Variants in DNAJC1 observed in about 807,000 individuals in gnomAD.
DNAJC1 encodes the protein DnaJ heat shock protein family (Hsp40) member C1, also known as dnaJ homolog subfamily C member 1.
A neutral mutation model predicts 76.6 loss-of-function variants in DNAJC1; 58 were observed. That is an observed-to-expected ratio of 0.76 (90% CI 0.61 to 0.94). DNAJC1 has a LOEUF of 0.94. DNAJC1 is among the 40% of genes least tolerant of loss of function. The probability of loss-of-function intolerance (pLI) is 0.00; values close to 1 mark genes in which losing one functional copy is unlikely to be tolerated. For synonymous variants in DNAJC1, 258 were observed against 267.9 expected (o/e 0.96, Z 0.36); for missense variants, 689 against 677.3 (o/e 1.02, Z -0.19).
chr10:21,921,293 ACC>A (rs1815758802), intron 3 of DNAJC1, among the ~76,000 whole-genome samples: 1 of 151,964 alleles, frequency 6.6e-6, no homozygotes, highest in Admixed American at 6.5e-5. Context: ...TAAAGACTCT[ACC>A]ATTGAAGTCA....
chr10:21,966,377 C>T (rs946021900), intron 1 of DNAJC1, among the ~76,000 whole-genome samples: 3 of 151,772 alleles, frequency 2.0e-5, no homozygotes, highest in African/African-American at 4.8e-5. Flanking sequence ...CTAATTTGAG[C>T]ATCCATTGAT....
At chr10:21,934,728 A>G (rs748108151) in intron 1 of DNAJC1, among the ~76,000 whole-genome samples, 10 of 152,336 alleles carry the variant, frequency 6.6e-5, no homozygotes, top group Non-Finnish European at 1.5e-4. Flanking sequence ...GCAGTAGGCT[A>G]TACCATCTAG....
intron 1 of DNAJC1, among the ~76,000 whole-genome samples, chr10:21,950,880 C>A (rs1279135453): frequency 6.6e-6 from 1 of 152,148 alleles, no homozygotes; most frequent in Non-Finnish European, 1.5e-5. Flanking sequence ...GGTGAGGAAG[C>A]TGCAGAAGAA....
chr10:21,938,685 AG>A (rs903217798), intron 1 of DNAJC1, among the ~76,000 whole-genome samples: 12 of 152,218 alleles, frequency 7.9e-5, no homozygotes, highest in Non-Finnish European at 1.5e-4. Flanking sequence ...CAAGGACTGT[AG>A]TTTGCTGACC....
At chr10:21,948,787 G>C (rs1172124674) in intron 1 of DNAJC1, among the ~76,000 whole-genome samples, 1 of 152,070 alleles carries the variant, frequency 6.6e-6, no homozygotes, top group Non-Finnish European at 1.5e-5. Flanking sequence ...GGAGACTACT[G>C]GACATTAGGA....
intron 1 of DNAJC1, among the ~76,000 whole-genome samples, chr10:21,964,163 G>T (rs1017636543): frequency 6.6e-6 from 1 of 152,178 alleles, no homozygotes; most frequent in Non-Finnish European, 1.5e-5. Flanking sequence ...TAGAATATTT[G>T]AACTCTGATG....
chr10:21,929,473 T>C (rs913677010), intron 1 of DNAJC1, among the ~76,000 whole-genome samples: 1 of 152,168 alleles, frequency 6.6e-6, no homozygotes, highest in African/African-American at 2.4e-5. Flanking sequence ...AAGAAACAAA[T>C]TAAAAATTAA....
intron 7 of DNAJC1, among the ~76,000 whole-genome samples, chr10:21,899,865 C>T (rs1485842216): frequency 6.6e-6 from 1 of 152,162 alleles, no homozygotes; most frequent in Non-Finnish European, 1.5e-5. Context: ...GCAGAGGCCA[C>T]CCCTCTGCCT....
intron 8 of DNAJC1, among the ~76,000 whole-genome samples, chr10:21,833,235 G>A (rs1180307816): frequency 6.6e-6 from 1 of 152,144 alleles, no homozygotes; most frequent in African/African-American, 2.4e-5. Context: ...ACTTTGGGAG[G>A]CTGAGGCAGG....
chr10:21,934,779 T>C (rs1321048885), intron 1 of DNAJC1, among the ~76,000 whole-genome samples: 1 of 152,122 alleles, frequency 6.6e-6, no homozygotes, highest in African/African-American at 2.4e-5. Flanking sequence ...AAAGACAAAA[T>C]TGCCAAGTGA....
At chr10:21,954,139 T>C (rs146807902) in intron 1 of DNAJC1, among the ~76,000 whole-genome samples, 12 of 152,134 alleles carry the variant, frequency 7.9e-5, no homozygotes, top group Admixed American at 1.3e-4. Flanking sequence ...CTGAGAGGAA[T>C]AGCGATGAGA....
chr10:21,874,425 T>C (rs966468956), intron 8 of DNAJC1, among the ~76,000 whole-genome samples: 2 of 148,182 alleles, frequency 1.3e-5, no homozygotes, highest in African/African-American at 5.0e-5. Context: ...GAGTAAGACC[T>C]GGTCTGTAAA....
At chr10:21,883,254 ACAC>A (rs1564816740) in intron 7 of DNAJC1, among the ~76,000 whole-genome samples, 18 of 121,324 alleles carry the variant, frequency 1.5e-4, no homozygotes, top group African/African-American at 7.9e-4. Flanking sequence ...TATCTCAAAC[ACAC>A]ACACACACAC....
chr10:21,955,351 C>T (rs941706463), intron 1 of DNAJC1, among the ~76,000 whole-genome samples: 3 of 152,056 alleles, frequency 2.0e-5, no homozygotes, highest in Non-Finnish European at 2.9e-5. Flanking sequence ...GAGGGGCAAA[C>T]CTCTTCAGGT....
chr10:21,840,493 C>T (rs1049094777), intron 8 of DNAJC1, among the ~76,000 whole-genome samples: 34 of 152,218 alleles, frequency 2.2e-4, no homozygotes, highest in Non-Finnish European at 3.8e-4. Flanking sequence ...GAGTGAAATC[C>T]CATTCACAAT....
intron 9 of DNAJC1, among the ~76,000 whole-genome samples, chr10:21,782,843 T>C (rs1362225418): frequency 6.6e-6 from 1 of 152,154 alleles, no homozygotes; most frequent in African/African-American, 2.4e-5. Flanking sequence ...TTTGACAAAA[T>C]TCAACAACCC....
chr10:21,938,250 G>C (rs1038100303), intron 1 of DNAJC1, among the ~76,000 whole-genome samples: 1 of 151,516 alleles, frequency 6.6e-6, no homozygotes, highest in Non-Finnish European at 1.5e-5. Flanking sequence ...CAAATCTCTA[G>C]AGAAGGATAC....
chr10:21,757,577 T>A lies in DNAJC1; in HGVS notation c.1597-822A>T, dbSNP rs184490042. On this transcript the variant is annotated intron_variant, in intron 11 of 11. Coordinates refer to ENST00000376980, the MANE Select transcript of DNAJC1 (RefSeq NM_022365.4). Reference sequence around the variant, plus strand: ...GTGTTATGAGAGTCTCTTCTCAGGGTTTTTTTTCTGCATCCCCAAAGATTA... The same window carrying A: ...GTGTTATGAGAGTCTCTTCTCAGGGATTTTTTTCTGCATCCCCAAAGATTA... 7.6e-4 allele frequency among the ~76,000 whole-genome samples: 115 copies of A among 152,100 alleles called. No individual in the cohort carries two copies. The East Asian group carries it at 0.013, about 18-fold the overall frequency.
intron 8 of DNAJC1, among the ~76,000 whole-genome samples, chr10:21,832,526 T>G (rs1467876304): frequency 6.6e-6 from 1 of 152,224 alleles, no homozygotes; most frequent in Non-Finnish European, 1.5e-5. Context: ...CATATTTTTT[T>G]AATGGTAACT....
Sources: allele counts gnomAD v4.1 joint callset (sites outside exome capture counted in the v4.1 genomes callset), GRCh38; gene constraint gnomAD v4.1.1; transcripts MANE v1.5; gene names NCBI Gene and HGNC (gene_info 2026-07-23, HGNC 2026-07-21).